Variants in GFOD2 observed in about 807,000 individuals in gnomAD.
GFOD2 encodes Gfo/Idh/MocA-like oxidoreductase domain containing 2, also known as glucose-fructose oxidoreductase domain-containing protein 2.
In GFOD2, 9 loss-of-function variants were observed where a neutral mutation model predicts 24.6. That is an observed-to-expected ratio of 0.37 (90% CI 0.22 to 0.64). GFOD2 has a LOEUF of 0.64. Ranked by LOEUF, GFOD2 falls within the 30% of genes least tolerant of loss-of-function variation. The pLI is 0.65. For missense variants in GFOD2, 476 were observed against 532.5 expected (o/e 0.89, Z 1.04); for synonymous variants, 211 against 224.8 (o/e 0.94, Z 0.55).
chr16:67,698,535 A>G (rs554607908), intron 1 of GFOD2, among the ~76,000 whole-genome samples: 5 of 152,218 alleles, frequency 3.3e-5, no homozygotes, highest in African/African-American at 1.2e-4. Context: ...GCTGGAGTGC[A>G]GTGGCGTGAT....
At chr16:67,714,807 G>A (rs773984839) in intron 1 of GFOD2, among the ~76,000 whole-genome samples, 9 of 152,098 alleles carry the variant, frequency 5.9e-5, no homozygotes, top group Admixed American at 2.0e-4. Context: ...GAAGCTCTTG[G>A]GAATGACTTA....
chr16:67,680,868 T>G (rs2053220102), intron 2 of GFOD2: 1 of 985,346 alleles, frequency 1.0e-6, no homozygotes, highest in Non-Finnish European at 1.2e-6. Context: ...CTCTTCAATT[T>G]ATGACACTTC....
At chr16:67,702,592 AT>A (rs561204882) in intron 1 of GFOD2, among the ~76,000 whole-genome samples, 1,485 of 104,698 alleles carry the variant, frequency 0.014, 6 homozygotes, top group Non-Finnish European at 0.019. Context: ...GGTAGCCAGG[AT>A]TTTTTTTTTT....
chr16:67,689,542 G>A (rs1474889608), intron 1 of GFOD2, among the ~76,000 whole-genome samples: 1 of 151,808 alleles, frequency 6.6e-6, no homozygotes, highest in African/African-American at 2.4e-5. Context: ...GTGGTGGCAT[G>A]TGCCTGTAAT....
chr16:67,690,448 G>A (rs1214099643), intron 1 of GFOD2, among the ~76,000 whole-genome samples: 1 of 150,906 alleles, frequency 6.6e-6, no homozygotes, highest in Non-Finnish European at 1.5e-5. Flanking sequence ...CCAGGCTGGA[G>A]TGGAGTGGCA....
At chr16:67,685,122 C>A in intron 2 of GFOD2, 1 of 1,324,018 alleles carries the variant, frequency 7.6e-7, no homozygotes, top group Non-Finnish European at 9.7e-7. Context: ...ACACACTAGT[C>A]ACAACCAATT....
chr16:67,702,853 C>A (rs1294708121), intron 1 of GFOD2, among the ~76,000 whole-genome samples: 1 of 151,970 alleles, frequency 6.6e-6, no homozygotes, highest in African/African-American at 2.4e-5. Flanking sequence ...CTGCCTCGGC[C>A]TCCCAAAGTG....
At chr16:67,701,713 CAG>C (rs2053403702) in intron 1 of GFOD2, among the ~76,000 whole-genome samples, 1 of 147,434 alleles carries the variant, frequency 6.8e-6, no homozygotes, top group Non-Finnish European at 1.5e-5. Flanking sequence ...ACTGATAGCA[CAG>C]AATATACAGA....
In GFOD2 at chr16:67,675,900, G is replaced by A. The variant is rs769566468; in HGVS notation, c.413C>T (p.Ser138Leu). The A allele has an allele frequency of 1.2e-5, 19 of 1,614,038 alleles. No homozygotes were observed. The highest frequency in any genetic ancestry group is 1.6e-4 in the Middle Eastern group (1 of 6,084). ...PAFVRMKQLI[S>L]EHYVGAVMIC... is the part of the protein sequence containing the mutation. ...CATCACCGCTCCCACATAGTGTTCC[G>A]AAATCAGCTGTTTCATGCGCACGAA... The change falls in exon 3 of 3, where the codon TCG (serine) becomes TTG (leucine). Residue 138 changes from serine (S) to leucine (L), a missense_variant. By Grantham distance (145) the Ser-to-Leu change is moderately radical (BLOSUM62 -2). Transcript: ENST00000268797.
chr16:67,713,445 G>C (rs2053489399), intron 1 of GFOD2, among the ~76,000 whole-genome samples: 1 of 152,046 alleles, frequency 6.6e-6, no homozygotes, highest in South Asian at 2.1e-4. Context: ...CCAGGTAGAG[G>C]GCTCAGTCCC....
chr16:67,680,969 T>G, intron 2 of GFOD2: 1 of 985,364 alleles, frequency 1.0e-6, no homozygotes, highest in Non-Finnish European at 1.2e-6. Flanking sequence ...ATACCTGGGA[T>G]AGGGTGGCCA....
At chr16:67,687,296 T>C (rs1279836382) in intron 1 of GFOD2, among the ~76,000 whole-genome samples, 3 of 151,622 alleles carry the variant, frequency 2.0e-5, no homozygotes, top group African/African-American at 7.3e-5. Context: ...GAAAAAAAAA[T>C]ACCAAAAAAC....
intron 1 of GFOD2, among the ~76,000 whole-genome samples, chr16:67,700,862 G>A (rs1435300812): frequency 3.4e-5 from 5 of 145,758 alleles, no homozygotes; most frequent in African/African-American, 1.3e-4. Context: ...GTGAAACCCC[G>A]TTCCTACTAG....
intron 2 of GFOD2, chr16:67,676,281 C>A: frequency 3.7e-6 from 2 of 534,520 alleles, no homozygotes; most frequent in Non-Finnish European, 3.3e-6. Flanking sequence ...GTGTGTACCA[C>A]CACGCCTGGC....
chr16:67,689,704 A>C (rs973587701), intron 1 of GFOD2, among the ~76,000 whole-genome samples: 2 of 152,130 alleles, frequency 1.3e-5, no homozygotes, highest in South Asian at 2.1e-4. Flanking sequence ...TAAATAAATA[A>C]ATACATTTAC....
At chr16:67,682,628 G>A (rs757801950) in intron 2 of GFOD2, 1 of 985,356 alleles carries the variant, frequency 1.0e-6, no homozygotes, top group Non-Finnish European at 1.2e-6. Context: ...CATAAAAAGA[G>A]CTGTGATATG....
chr16:67,675,163 T>G lies in GFOD2; in HGVS notation c.1150A>C (p.Asn384His), dbSNP rs758886337. The G allele has an allele frequency of 6.2e-7, 1 of 1,611,710 alleles. No individual in the cohort carries two copies. The highest frequency in any genetic ancestry group is 8.5e-7 in the Non-Finnish European group (1 of 1,178,606). ...QNLCEALQRNNL is the reference protein window; with the variant it reads ...QNLCEALQRNHL The stretch of plus-strand genomic sequence containing the variant: ...GGAGCCCAGGTGCAGGCTCATAGGT[T>G]GTTCCGCTGAAGTGCCTCACACAGG... The change falls in exon 3 of 3, where the codon AAC (asparagine) becomes CAC (histidine). Residue 384 changes from asparagine (N) to histidine (H), a missense_variant. Transcript: ENST00000268797.
chr16:67,675,078 GCCAAGTC>G lies in GFOD2; in HGVS notation c.*70_*76del. ...AATGAAAGACACTGTCTCTGCTAGG[GCCAAGTC>G]CCTGTCATGTCTGGCTCCTGTTCCC... is the stretch of plus-strand genomic sequence containing the variant. On this transcript the variant is annotated 3_prime_UTR_variant, in exon 3 of 3. Transcript: ENST00000268797. 1 of 1,469,852 alleles carries G rather than the reference GCCAAGTC, an allele frequency of 6.8e-7. No individual in the cohort carries two copies. The highest frequency in any genetic ancestry group is 9.2e-7 in the Non-Finnish European group (1 of 1,082,754). 91.1% of individuals were successfully genotyped at this position (1,469,852 alleles called of 1,614,324 possible). A position where few individuals can be genotyped will look rare whatever the true frequency, so the allele number is the denominator to read the frequency against.
chr16:67,675,030 T>G lies in GFOD2; in HGVS notation c.*125A>C. 1 of 1,131,352 alleles carries G rather than the reference T, an allele frequency of 8.8e-7. No homozygotes were observed. 70.1% of individuals were successfully genotyped at this position (1,131,352 alleles called of 1,614,324 possible). A position where few individuals can be genotyped will look rare whatever the true frequency, so the allele number is the denominator to read the frequency against. ...GAGGGGGCGAAGTCCCAGAGCCACC[T>G]CTGGCTTCACCCAGACTCATTAAAT... is the stretch of plus-strand genomic sequence containing the variant. On this transcript the variant is annotated 3_prime_UTR_variant, in exon 3 of 3. Transcript: ENST00000268797.
Sources: allele counts gnomAD v4.1 joint callset (sites outside exome capture counted in the v4.1 genomes callset), GRCh38; gene constraint gnomAD v4.1.1; transcripts MANE v1.5; gene names NCBI Gene and HGNC (gene_info 2026-07-23, HGNC 2026-07-21).